KCNIP1: variants seen among roughly 807,000 people sequenced by gnomAD.
KCNIP1 encodes the protein potassium voltage-gated channel interacting protein 1, also known as A-type potassium channel modulatory protein KCNIP1.
KCNIP1 carries 18 observed loss-of-function variants against 33.0 expected under a neutral mutation model. The observed-to-expected ratio is 0.55, with a 90% CI of 0.38 to 0.81. The LOEUF is 0.81. Ranked by LOEUF, KCNIP1 falls within the 30% of genes least tolerant of loss-of-function variation. KCNIP1 has a pLI of 0.00. For synonymous variants in KCNIP1, 93 were observed against 98.3 expected (o/e 0.95, Z 0.32); for missense variants, 238 against 271.6 (o/e 0.88, Z 0.87).
chr5:170,609,060 G>T (rs1581393504), intron 1 of KCNIP1, among the ~76,000 whole-genome samples: 2 of 152,184 alleles, frequency 1.3e-5, no homozygotes, highest in Admixed American at 6.5e-5. Context: ...GGGCCTCCTG[G>T]TGCTCCTCAG....
At position 170,650,967 on chromosome 5, in the gene KCNIP1, C is replaced by A. The variant is rs550412508; in HGVS notation, c.62-67791C>A. Among the ~76,000 whole-genome samples, 3 of 152,320 alleles carry A rather than the reference C, an allele frequency of 2.0e-5. No individual in the cohort carries two copies. In the South Asian group the frequency reaches 6.2e-4, roughly 32 times the overall value. The stretch of plus-strand genomic sequence containing the variant: ...CTATTTTCCACTAAGGAATGAATGA[C>A]TGTACAAGGACCACATTCTAATTAG... On this transcript the variant is annotated intron_variant, in intron 1 of 7. Transcript: ENST00000328939.
At chr5:170,682,600 C>T (rs1333617714) in intron 1 of KCNIP1, among the ~76,000 whole-genome samples, 1 of 151,984 alleles carries the variant, frequency 6.6e-6, no homozygotes, top group East Asian at 1.9e-4. Context: ...CTGCTCCAGC[C>T]CTTGGTCCCT....
At chr5:170,597,784 AATATATATATATATATATATATATAT>A (rs10525595) in intron 1 of KCNIP1, among the ~76,000 whole-genome samples, 22,282 of 134,438 alleles carry the variant, frequency 0.17, 3,662 homozygotes, top group African/African-American at 0.42. Context: ...GAGAGAGATA[AATATATATATATATATATATATATAT>A]ATATATATAT....
intron 1 of KCNIP1, among the ~76,000 whole-genome samples, chr5:170,525,444 A>T (rs1382918683): frequency 1.3e-5 from 2 of 152,256 alleles, no homozygotes; most frequent in Non-Finnish European, 2.9e-5. Context: ...ATCAACATTT[A>T]AAAATGGCAA....
At chr5:170,546,831 G>C (rs552668142) in intron 1 of KCNIP1, among the ~76,000 whole-genome samples, 1 of 151,932 alleles carries the variant, frequency 6.6e-6, no homozygotes, top group Non-Finnish European at 1.5e-5. Context: ...AGAGTCACTC[G>C]CACATAAATA....
At chr5:170,702,572 A>G (rs1307096382) in intron 1 of KCNIP1, among the ~76,000 whole-genome samples, 1 of 152,140 alleles carries the variant, frequency 6.6e-6, no homozygotes, top group Non-Finnish European at 1.5e-5. Flanking sequence ...CTCAGTACCA[A>G]TTGTCAAGTA....
At chr5:170,652,482 T>TAA (rs140299038) in intron 1 of KCNIP1, among the ~76,000 whole-genome samples, 10 of 109,780 alleles carry the variant, frequency 9.1e-5, no homozygotes, top group African/African-American at 1.4e-4. Flanking sequence ...GAGACCCTAT[T>TAA]AAAAAAAAAA....
chr5:170,696,702 T>C (rs1762908816), intron 1 of KCNIP1, among the ~76,000 whole-genome samples: 1 of 152,068 alleles, frequency 6.6e-6, no homozygotes, highest in Non-Finnish European at 1.5e-5. Context: ...TGCAAAGATG[T>C]GGAAGTGTCA....
chr5:170,545,677 A>G (rs1228792549), intron 1 of KCNIP1, among the ~76,000 whole-genome samples: 1 of 151,956 alleles, frequency 6.6e-6, no homozygotes, highest in Non-Finnish European at 1.5e-5. Flanking sequence ...GTAAGTTTGT[A>G]CTATTTTATT....
chr5:170,408,286 C>T (rs1466488648), intron 1 of KCNIP1, among the ~76,000 whole-genome samples: 1 of 152,072 alleles, frequency 6.6e-6, no homozygotes, highest in Non-Finnish European at 1.5e-5. Flanking sequence ...GTTCTTGGCT[C>T]GTAAGAGCCT....
intron 1 of KCNIP1, among the ~76,000 whole-genome samples, chr5:170,541,646 T>TGACCCACCCACCCAC (rs1756214807): frequency 7.0e-6 from 1 of 143,414 alleles, no homozygotes; most frequent in African/African-American, 2.5e-5. Flanking sequence ...CTCCCACCCA[T>TGACCCACCCACCCAC]GACCCACCCA....
intron 1 of KCNIP1, among the ~76,000 whole-genome samples, chr5:170,664,297 A>T (rs1053369160): frequency 6.6e-6 from 1 of 152,078 alleles, no homozygotes; most frequent in Non-Finnish European, 1.5e-5. Context: ...CTTAGATGTC[A>T]CTTCTCCTAG....
At chr5:170,697,048 TCTC>T (rs1332850384) in intron 1 of KCNIP1, among the ~76,000 whole-genome samples, 3 of 150,870 alleles carry the variant, frequency 2.0e-5, no homozygotes, top group Non-Finnish European at 3.0e-5. Context: ...TCCTCCTCCA[TCTC>T]CTCCTCCTCC....
At chr5:170,623,904 G>C (rs1759712528) in intron 1 of KCNIP1, among the ~76,000 whole-genome samples, 1 of 152,156 alleles carries the variant, frequency 6.6e-6, no homozygotes, top group Non-Finnish European at 1.5e-5. Flanking sequence ...AGCCACACCT[G>C]TGTCCCAGAA....
chr5:170,527,757 C>A (rs1237014297), intron 1 of KCNIP1, among the ~76,000 whole-genome samples: 1 of 149,996 alleles, frequency 6.7e-6, no homozygotes, highest in East Asian at 2.0e-4. Context: ...CACAGGCTCA[C>A]CCCAGCATGC....
At chr5:170,362,495 C>T (rs184033370) in intron 1 of KCNIP1, among the ~76,000 whole-genome samples, 17 of 152,318 alleles carry the variant, frequency 1.1e-4, no homozygotes, top group South Asian at 4.1e-4. Flanking sequence ...TCAAGCTCCC[C>T]GATCCATCCC....
chr5:170,646,420 T>A (rs1760788238), intron 1 of KCNIP1, among the ~76,000 whole-genome samples: 2 of 152,236 alleles, frequency 1.3e-5, no homozygotes, highest in South Asian at 4.1e-4. Flanking sequence ...ATCCCAGTTA[T>A]GCAAGGCTGG....
chr5:170,419,953 G>T (rs1466446927), intron 1 of KCNIP1, among the ~76,000 whole-genome samples: 1 of 152,190 alleles, frequency 6.6e-6, no homozygotes, highest in African/African-American at 2.4e-5. Flanking sequence ...TTTTCACTTT[G>T]CATGGGACTG....
chr5:170,510,141 C>T (rs1754878629), intron 1 of KCNIP1, among the ~76,000 whole-genome samples: 1 of 152,234 alleles, frequency 6.6e-6, no homozygotes, highest in Non-Finnish European at 1.5e-5. Context: ...AATGCCACCG[C>T]TCTGGGAAGC....
Sources: gnomAD v4.1 joint callset for allele counts (sites outside exome capture counted in the v4.1 genomes callset) on GRCh38, gnomAD v4.1.1 for gene constraint, MANE v1.5 for transcripts, NCBI Gene and HGNC (gene_info 2026-07-23, HGNC 2026-07-21) for gene names.